Variants in ENTREP2 observed in about 807,000 individuals in gnomAD.
ENTREP2 encodes the protein protein ENTREP2.
At chr15:29,298,211 T>A in the ENTREP2 span, among the ~76,000 whole-genome samples, 1 of 152,148 alleles carries the variant, frequency 6.6e-6, no homozygotes, top group African/African-American at 2.4e-5. Flanking sequence ...CGGAATGATA[T>A]TAAAACTAAT....
chr15:29,350,728 A>C, the ENTREP2 span, among the ~76,000 whole-genome samples: 2 of 152,164 alleles, frequency 1.3e-5, no homozygotes, highest in Admixed American at 6.5e-5. Flanking sequence ...GGATTACCTG[A>C]GGTCAGGAGT....
the ENTREP2 span, among the ~76,000 whole-genome samples, chr15:29,119,897 T>C: frequency 6.6e-6 from 1 of 152,158 alleles, no homozygotes; most frequent in Non-Finnish European, 1.5e-5. Flanking sequence ...CCTGGCTAGC[T>C]GAGGACATGC....
chr15:29,319,370 C>T, the ENTREP2 span, among the ~76,000 whole-genome samples: 1 of 152,182 alleles, frequency 6.6e-6, no homozygotes, highest in East Asian at 1.9e-4. Context: ...TAGCACAAGT[C>T]AATGCAGGCT....
chr15:29,377,961 C>T, the ENTREP2 span, among the ~76,000 whole-genome samples: 6 of 151,050 alleles, frequency 4.0e-5, no homozygotes, highest in African/African-American at 9.7e-5. Flanking sequence ...AATGGGTAGG[C>T]GGTGGTGTCA....
chr15:29,401,328 GAAAC>G, the ENTREP2 span, among the ~76,000 whole-genome samples: 1 of 152,022 alleles, frequency 6.6e-6, no homozygotes, highest in Non-Finnish European at 1.5e-5. Flanking sequence ...ATTAATAAAA[GAAAC>G]AACAGAAAAA....
chr15:29,128,552 G>T, the ENTREP2 span, among the ~76,000 whole-genome samples: 1 of 152,096 alleles, frequency 6.6e-6, no homozygotes, highest in African/African-American at 2.4e-5. Flanking sequence ...CCCGGAGAGC[G>T]CAGGAGATCT....
At chr15:29,570,761 G>C in the ENTREP2 span, 32 of 821,860 alleles carry the variant, frequency 3.9e-5, no homozygotes, top group Non-Finnish European at 4.4e-5. Flanking sequence ...GCTCCCGCCC[G>C]GCCCGGCGCG....
chr15:29,289,913 G>A, the ENTREP2 span, among the ~76,000 whole-genome samples: 1 of 152,116 alleles, frequency 6.6e-6, no homozygotes, highest in South Asian at 2.1e-4. Flanking sequence ...TCACCAAATT[G>A]AAATAATCTA....
At chr15:29,264,707 A>G in the ENTREP2 span, among the ~76,000 whole-genome samples, 2 of 152,346 alleles carry the variant, frequency 1.3e-5, no homozygotes, top group South Asian at 4.1e-4. Context: ...CTAAAGAAAC[A>G]TAACTAAATA....
the ENTREP2 span, among the ~76,000 whole-genome samples, chr15:29,466,299 C>T: frequency 1.9e-3 from 282 of 152,184 alleles, no homozygotes; most frequent in Admixed American, 3.5e-3. Context: ...CATGGTCACT[C>T]TGGCTGCTGG....
chr15:29,230,942 G>C, the ENTREP2 span, among the ~76,000 whole-genome samples: 14 of 152,296 alleles, frequency 9.2e-5, no homozygotes, highest in African/African-American at 3.4e-4. Flanking sequence ...GCTGCTGGTA[G>C]AGAATAGATT....
the ENTREP2 span, among the ~76,000 whole-genome samples, chr15:29,192,280 A>G: frequency 6.6e-6 from 1 of 152,204 alleles, no homozygotes; most frequent in African/African-American, 2.4e-5. Flanking sequence ...CAGATATTCA[A>G]TGCAAAAGAG....
chr15:29,234,031 A>G, the ENTREP2 span: 1 of 1,472,232 alleles, frequency 6.8e-7, no homozygotes. Context: ...CTCTGGGTCA[A>G]GATCTTCCTC....
chr15:29,309,045 A>C, the ENTREP2 span, among the ~76,000 whole-genome samples: 1 of 152,262 alleles, frequency 6.6e-6, no homozygotes, highest in African/African-American at 2.4e-5. Context: ...TTTCCTTATG[A>C]GGGCTCCTGA....
At chr15:29,293,289 T>TC in the ENTREP2 span, among the ~76,000 whole-genome samples, 1 of 151,988 alleles carries the variant, frequency 6.6e-6, no homozygotes, top group Admixed American at 6.5e-5. Context: ...TCTCGCTCTG[T>TC]CCCCAGGCTG....
chr15:29,274,597 C>G, the ENTREP2 span, among the ~76,000 whole-genome samples: 1 of 152,154 alleles, frequency 6.6e-6, no homozygotes, highest in Admixed American at 6.5e-5. Flanking sequence ...GTACCTAGCA[C>G]AGTGCCTGGC....
the ENTREP2 span, among the ~76,000 whole-genome samples, chr15:29,614,512 T>C: frequency 6.6e-6 from 1 of 152,216 alleles, no homozygotes; most frequent in Admixed American, 6.5e-5. Context: ...GTCTGCTGAA[T>C]GTCTCCTCTC....
At chr15:29,478,019 A>ATTTTTT in the ENTREP2 span, among the ~76,000 whole-genome samples, 22 of 54,280 alleles carry the variant, frequency 4.1e-4, 1 homozygote, top group African/African-American at 1.2e-3. Flanking sequence ...ATATATATAT[A>ATTTTTT]TTTTTTTTTT....
chr15:29,221,517 G>C, the ENTREP2 span, among the ~76,000 whole-genome samples: 1 of 152,064 alleles, frequency 6.6e-6, no homozygotes, highest in Non-Finnish European at 1.5e-5. Flanking sequence ...GGACAGCTTA[G>C]CTTGCTGAGT....
Sources: gnomAD v4.1 joint callset for allele counts (sites outside exome capture counted in the v4.1 genomes callset) on GRCh38, gnomAD v4.1.1 for gene constraint, MANE v1.5 for transcripts, NCBI Gene and HGNC (gene_info 2026-07-23, HGNC 2026-07-21) for gene names.